The following ANO1 variants were observed in gnomAD, a reference collection of about 807,000 sequenced individuals.
The protein encoded by ANO1 is anoctamin 1.
In ANO1, 59 loss-of-function variants were observed where a neutral mutation model predicts 124.0. The observed-to-expected ratio is 0.48, with a 90% CI of 0.39 to 0.59. The LOEUF (loss-of-function observed/expected upper bound fraction) is 0.59, where lower values mean the gene tolerates loss of function less well. Among genes scored for constraint, ANO1 ranks in the 20% least tolerant of loss-of-function variants. ANO1 has a pLI of 0.00. For synonymous variants in ANO1, 529 were observed against 532.0 expected (o/e 0.99, Z 0.08); for missense variants, 1,059 against 1,328.0 (o/e 0.80, Z 3.15).
chr11:70,088,111 TG>T (rs751122973), intron 2 of ANO1, 27 bp downstream of exon 2: 64 of 37,996 alleles, frequency 1.7e-3, no homozygotes, highest in African/African-American at 0.013. Flanking sequence ...GCGCTGTTTG[TG>T]GGGGGTGGGG....
chr11:70,132,274 C>A (rs1045262345), intron 11 of ANO1, among the ~76,000 whole-genome samples, 195 bp downstream of exon 11: 1 of 152,154 alleles, frequency 6.6e-6, no homozygotes, highest in African/African-American at 2.4e-5. Context: ...AGGAGAGACA[C>A]GGGTTCTCCT....
At chr11:70,035,193 G>A (rs1198157936) in intron 1 of ANO1, among the ~76,000 whole-genome samples, 1 of 152,186 alleles carries the variant, frequency 6.6e-6, no homozygotes, top group African/African-American at 2.4e-5. Context: ...CCGTGGAGCT[G>A]CCTGGCAGCG....
At chr11:69,981,392 C>T (rs1477778592), upstream of ANO1, among the ~76,000 whole-genome samples, 4 of 152,160 alleles carry the variant, frequency 2.6e-5, no homozygotes, top group African/African-American at 9.7e-5. Context: ...TTCGATGAGC[C>T]GATATTTATT....
intron 12 of ANO1, among the ~76,000 whole-genome samples, chr11:70,151,005 G>C (rs2047580979): frequency 6.6e-6 from 1 of 152,216 alleles, no homozygotes; most frequent in African/African-American, 2.4e-5. Context: ...TTCTGGGAGA[G>C]GCACAGCAGC....
chr11:70,029,333 G>C (rs1856962554), intron 1 of ANO1, among the ~76,000 whole-genome samples: 1 of 152,022 alleles, frequency 6.6e-6, no homozygotes, highest in African/African-American at 2.4e-5. Flanking sequence ...AGCTGGGCCT[G>C]TGCAGTTGCC....
At chr11:70,099,268 T>G (rs2045152170) in intron 2 of ANO1, among the ~76,000 whole-genome samples, 1 of 152,168 alleles carries the variant, frequency 6.6e-6, no homozygotes, top group East Asian at 1.9e-4. Context: ...CCGGGCACCA[T>G]GCTTTAAAAC....
At chr11:70,062,174 T>G (rs1857601006) in intron 1 of ANO1, among the ~76,000 whole-genome samples, 1 of 147,006 alleles carries the variant, frequency 6.8e-6, no homozygotes, top group Non-Finnish European at 1.5e-5. Flanking sequence ...CCTCTGAGGT[T>G]CAAGCGATTC....
rs2135042534 is a variant in ANO1 at position 70,035,537 on chromosome 11, T to C, written c.59-43005T>C. Among the ~76,000 whole-genome samples the C allele has an allele frequency of 1.3e-5, 2 of 151,766 alleles. 1 individual carries two copies. The highest frequency in any genetic ancestry group is 4.2e-4 in the South Asian group (2 of 4,752). ...AGCTGTTGCTATATATATATATATA[T>C]ACTTTAAGTTCTGGGATACATATGC... On this transcript the variant is annotated intron_variant, in intron 1 of 27. Coordinates refer to the ANO1 transcript ENST00000531349.
intron 1 of ANO1, among the ~76,000 whole-genome samples, chr11:70,038,445 G>T (rs539120827): frequency 1.3e-5 from 2 of 152,040 alleles, no homozygotes; most frequent in South Asian, 2.1e-4. Flanking sequence ...TCCTTTGTTC[G>T]GGTGTGCTCT....
At chr11:70,000,547 A>G (rs1216380420) in intron 1 of ANO1, among the ~76,000 whole-genome samples, 1 of 151,924 alleles carries the variant, frequency 6.6e-6, no homozygotes, top group East Asian at 1.9e-4. Flanking sequence ...GAGCAACTGG[A>G]ACCCTTGCCT....
intron 4 of ANO1, among the ~76,000 whole-genome samples, chr11:70,105,292 C>T (rs985546696): frequency 6.6e-6 from 1 of 152,184 alleles, no homozygotes; most frequent in African/African-American, 2.4e-5. Context: ...CTATGCAGCC[C>T]ATCAGGACCC....
At chr11:70,083,864 T>C (rs184159255) in intron 1 of ANO1, among the ~76,000 whole-genome samples, 1 of 152,280 alleles carries the variant, frequency 6.6e-6, no homozygotes, top group Admixed American at 6.5e-5. Flanking sequence ...TAAGAACTTG[T>C]GGGTAGATGG....
At chr11:70,014,835 T>G (rs1271974531) in intron 1 of ANO1, 1 of 150,598 alleles carries the variant, frequency 6.6e-6, no homozygotes, top group Admixed American at 6.6e-5. Context: ...TTTTGTTTTT[T>G]TTTTTTCTTT....
intron 19 of ANO1, among the ~76,000 whole-genome samples, chr11:70,163,762 C>A (rs2048145383): frequency 6.6e-6 from 1 of 152,004 alleles, no homozygotes; most frequent in East Asian, 1.9e-4. Flanking sequence ...CATGGTGAAA[C>A]CCCATCTCTA....
At chr11:70,174,976 A>G (rs2048633340) in intron 22 of ANO1, among the ~76,000 whole-genome samples, 2 of 151,788 alleles carry the variant, frequency 1.3e-5, no homozygotes, top group South Asian at 4.1e-4. Flanking sequence ...GTCCTCACAA[A>G]GGCCTGATGC....
chr11:69,971,917 T>C, the ANO1 span, among the ~76,000 whole-genome samples: 16 of 152,022 alleles, frequency 1.1e-4, no homozygotes, highest in Non-Finnish European at 2.2e-4. Flanking sequence ...ATGACTCCCA[T>C]TGCAAAGAAA....
At chr11:69,993,892 G>T (rs1019898448) in intron 1 of ANO1, among the ~76,000 whole-genome samples, 2 of 152,090 alleles carry the variant, frequency 1.3e-5, no homozygotes, top group African/African-American at 4.8e-5. Flanking sequence ...TGCTCCTGGG[G>T]CCTGGGCACA....
At chr11:70,053,914 G>A (rs1328833968) in intron 1 of ANO1, among the ~76,000 whole-genome samples, 1 of 152,188 alleles carries the variant, frequency 6.6e-6, no homozygotes, top group Non-Finnish European at 1.5e-5. Context: ...TTGGGAAGTG[G>A]TGCTTTTCTG....
At chr11:70,119,288 TG>T (rs2046145914) in intron 8 of ANO1, among the ~76,000 whole-genome samples, 1 of 129,768 alleles carries the variant, frequency 7.7e-6, no homozygotes, top group African/African-American at 3.0e-5. Flanking sequence ...GGATGGATGC[TG>T]GAGGAATTAA....
Sources: gnomAD v4.1 joint callset for allele counts (sites outside exome capture counted in the v4.1 genomes callset) on GRCh38, gnomAD v4.1.1 for gene constraint, MANE v1.5 for transcripts, NCBI Gene and HGNC (gene_info 2026-07-23, HGNC 2026-07-21) for gene names.